The following PTPRS variants were observed in gnomAD, a reference collection of about 807,000 sequenced individuals.
PTPRS encodes the protein protein tyrosine phosphatase receptor type S, also known as receptor-type tyrosine-protein phosphatase S.
Under a neutral mutation model 215.3 loss-of-function variants are expected in PTPRS, and 63 were observed. The observed-to-expected ratio is 0.29, with a 90% CI of 0.24 to 0.36. The LOEUF (loss-of-function observed/expected upper bound fraction) is 0.36, where lower values mean the gene tolerates loss of function less well. PTPRS is among the 10% of genes least tolerant of loss of function. The pLI, the probability that PTPRS is intolerant of heterozygous loss-of-function variation, is 1.00. For synonymous variants in PTPRS, 1,404 were observed against 1,191.4 expected (o/e 1.18, Z -3.68); for missense variants, 2,258 against 2,825.8 (o/e 0.80, Z 4.56).
chr19:5,260,404 T>G (rs987458571), intron 7 of PTPRS, among the ~76,000 whole-genome samples: 3 of 152,154 alleles, frequency 2.0e-5, no homozygotes, highest in African/African-American at 7.2e-5. Flanking sequence ...GGTCTTGAAC[T>G]CCTGACCTCA....
At chr19:5,277,688 C>T in intron 2 of PTPRS, 1 of 536,118 alleles carries the variant, frequency 1.9e-6, no homozygotes. Context: ...AGCCTCCCTT[C>T]CTCGGCGCTG....
At chr19:5,321,049 C>T (rs1277865923) in intron 1 of PTPRS, among the ~76,000 whole-genome samples, 1 of 152,096 alleles carries the variant, frequency 6.6e-6, no homozygotes, top group African/African-American at 2.4e-5. Flanking sequence ...ACCACTTCAG[C>T]CCAGGAGTTC....
chr19:5,221,207 T>A lies in PTPRS; in HGVS notation c.3248A>T (p.Lys1083Met), dbSNP rs1300507338. 1 of 1,613,842 alleles carries A rather than the reference T, an allele frequency of 6.2e-7. No homozygotes were observed. Among genetic ancestry groups the A allele is most frequent in the Non-Finnish European group, 8.5e-7 (1 of 1,179,964 alleles). ...LTLDVDGRTT[K>M]KLITHLKPHT... is the part of the protein sequence containing the mutation. ...GGGCTTGAGGTGCGTGATGAGCTTC[T>A]TGGTGGTACGGCCATCCACATCCAG... The change falls in exon 20 of 38, where the codon AAG becomes ATG. Residue 1083 changes from lysine to methionine, a missense_variant. Transcript: ENST00000262963.
chr19:5,289,695 G>T (rs547155612), intron 1 of PTPRS, among the ~76,000 whole-genome samples: 1 of 152,316 alleles, frequency 6.6e-6, no homozygotes, highest in Non-Finnish European at 1.5e-5. Flanking sequence ...GGCCATTCCT[G>T]GATTTAATAT....
chr19:5,340,492 G>A (rs2050658890), intron 1 of PTPRS, among the ~76,000 whole-genome samples, 172 bp downstream of exon 1: 1 of 151,246 alleles, frequency 6.6e-6, no homozygotes, highest in Non-Finnish European at 1.5e-5. Context: ...GGGGCGCAGC[G>A]GCTGGGCGTG....
intron 4 of PTPRS, among the ~76,000 whole-genome samples, chr19:5,267,240 G>T (rs1302876172): frequency 6.6e-6 from 1 of 152,106 alleles, no homozygotes; most frequent in Non-Finnish European, 1.5e-5. Context: ...ACAAGGAGGA[G>T]AAACTCAGGT....
At chr19:5,228,501 A>C (rs2042720743) in intron 16 of PTPRS, among the ~76,000 whole-genome samples, 1 of 152,008 alleles carries the variant, frequency 6.6e-6, no homozygotes, top group African/African-American at 2.4e-5. Flanking sequence ...GCCTGCCACC[A>C]CACCAGGCTG....
intron 1 of PTPRS, among the ~76,000 whole-genome samples, chr19:5,290,332 CTG>C (rs1208924844): frequency 6.6e-6 from 1 of 152,208 alleles, no homozygotes; most frequent in Non-Finnish European, 1.5e-5. Context: ...AATCTTGTGA[CTG>C]TGTCTTTCTC....
intron 19 of PTPRS, among the ~76,000 whole-genome samples, 171 bp from the exon 20 acceptor site, chr19:5,221,424 GACTGAGCCCCAACCTC>G (rs1416971553): frequency 2.0e-5 from 3 of 151,728 alleles, no homozygotes; most frequent in Non-Finnish European, 4.4e-5. Context: ...CCCCAACTCT[GACTGAGCCCCAACCTC>G]ACTGAACCCT....
chr19:5,310,214 G>C (rs780437760), intron 1 of PTPRS, among the ~76,000 whole-genome samples: 9 of 151,918 alleles, frequency 5.9e-5, no homozygotes, highest in Non-Finnish European at 8.8e-5. Context: ...TCTTATTCCT[G>C]TTGGTCTTAC....
At chr19:5,248,957 C>T (rs1599685910) in intron 9 of PTPRS, among the ~76,000 whole-genome samples, 2 of 152,190 alleles carry the variant, frequency 1.3e-5, no homozygotes, top group East Asian at 3.9e-4. Flanking sequence ...TTTCAGCCTC[C>T]CAGGGGCTGG....
chr19:5,295,670 A>C lies in PTPRS; in HGVS notation c.-94-9436T>G, dbSNP rs1352861755. ...TGCACAATCAGGCCCAGCCTCACCC[A>C]GGAGAGCCCCTCCGACCTTATTCTC... On this transcript the variant is annotated intron_variant, in intron 1 of 37. Coordinates refer to ENST00000262963, the MANE Select transcript of PTPRS (RefSeq NM_002850.4). The surrounding 1 kb of genome is among the most constrained non-coding windows in gnomAD (Gnocchi z 4.6). Among the ~76,000 whole-genome samples the C allele has an allele frequency of 6.6e-6, 1 of 152,194 alleles. No homozygotes were observed. Among genetic ancestry groups the C allele is most frequent in the African/African-American group, 2.4e-5 (1 of 41,450 alleles).
chr19:5,253,603 T>C (rs2045325262), intron 9 of PTPRS, among the ~76,000 whole-genome samples: 1 of 152,114 alleles, frequency 6.6e-6, no homozygotes, highest in African/African-American at 2.4e-5. Flanking sequence ...GCTGATCTCA[T>C]GGGGATGGGG....
At chr19:5,299,596 G>T (rs1478602632) in intron 1 of PTPRS, among the ~76,000 whole-genome samples, 1 of 152,194 alleles carries the variant, frequency 6.6e-6, no homozygotes, top group Non-Finnish European at 1.5e-5. Context: ...TAGTGGCTGG[G>T]TGTGGTGGCT....
intron 1 of PTPRS, among the ~76,000 whole-genome samples, chr19:5,289,057 G>A (rs1939888083): frequency 6.6e-6 from 1 of 152,168 alleles, no homozygotes; most frequent in South Asian, 2.1e-4. Context: ...ATAGGGTGGT[G>A]GGAGGGGCCC....
At chr19:5,272,595 CAAAAAAAAAA>C (rs10527451) in intron 4 of PTPRS, among the ~76,000 whole-genome samples, 25 of 73,436 alleles carry the variant, frequency 3.4e-4, no homozygotes, top group Non-Finnish European at 4.5e-4. Flanking sequence ...AAGACTGTCT[CAAAAAAAAAA>C]AAAAAAAAAA....
chr19:5,239,005 G>C lies in PTPRS; in HGVS notation c.1763C>G (p.Thr588Arg). 1 of 1,613,596 alleles carries C rather than the reference G, an allele frequency of 6.2e-7. No individual in the cohort carries two copies. Among genetic ancestry groups the C allele is most frequent in the Non-Finnish European group, 8.5e-7 (1 of 1,179,890 alleles). Residue 588 changes from threonine to arginine, a missense_variant, in exon 13 of 38, where the codon ACG (threonine) becomes AGG (arginine). Around this residue, in one of 6 missense-constraint regions of PTPRS, gnomAD observed 371 missense variants for 446.7 expected, o/e 0.83. Transcript: ENST00000262963. Reference protein sequence around the residue: ...SYVVEDLKPNTEYAFRLAARS... With the variant: ...SYVVEDLKPNREYAFRLAARS... ...GGCCGCCAGGCGGAAGGCGTACTCCGTGTTGGGCTTCAGGTCCTCCACCAC... is the reference window on the plus strand; with the variant it reads ...GGCCGCCAGGCGGAAGGCGTACTCCCTGTTGGGCTTCAGGTCCTCCACCAC...
In PTPRS at chr19:5,260,786, T is replaced by G. The variant is rs186753101; in HGVS notation, c.595+19A>C. 6.2e-7 allele frequency: 1 copy of G among 1,613,132 alleles called. No homozygotes were observed. Among genetic ancestry groups the G allele is most frequent in the Non-Finnish European group, 8.5e-7 (1 of 1,179,554 alleles). On this transcript the variant is annotated intron_variant, in intron 7 of 37. Coordinates refer to ENST00000262963, the MANE Select transcript of PTPRS (RefSeq NM_002850.4). ...GCAAGAGCGAGCGTGAGTGGGTGGG[T>G]GAGTGAGGAGCCTCTTACCTCGAAT...
At chr19:5,297,796 T>C (rs867133469) in intron 1 of PTPRS, among the ~76,000 whole-genome samples, 2,909 of 125,092 alleles carry the variant, frequency 0.023, 54 homozygotes, top group African/African-American at 0.068. Flanking sequence ...CTTTTCTTTT[T>C]TTTTTTTTTT....
Sources: allele counts gnomAD v4.1 joint callset (sites outside exome capture counted in the v4.1 genomes callset), GRCh38; gene constraint gnomAD v4.1.1; regional missense constraint gnomAD v4.1.1; non-coding constraint Gnocchi (gnomAD v3.1); transcripts MANE v1.5; gene names NCBI Gene and HGNC (gene_info 2026-07-23, HGNC 2026-07-21).